Variants in MIPOL1 observed in about 807,000 individuals in gnomAD.
The protein encoded by MIPOL1 is mirror-image polydactyly gene 1 protein.
MIPOL1 carries 57 observed loss-of-function variants against 60.9 expected under a neutral mutation model. The observed-to-expected ratio is 0.94, with a 90% CI of 0.76 to 1.17. The LOEUF (loss-of-function observed/expected upper bound fraction) is 1.17. Among genes scored for constraint, MIPOL1 ranks in the 50% most tolerant of loss-of-function variants. The probability of loss-of-function intolerance (pLI) is 0.00; values close to 1 mark genes in which losing one functional copy is unlikely to be tolerated. For missense variants in MIPOL1, 551 were observed against 511.6 expected (o/e 1.08, Z -0.74); for synonymous variants, 179 against 168.8 (o/e 1.06, Z -0.47).
chr14:37,268,556 A>T, intron 4 of MIPOL1, 102 bp from the exon 5 acceptor site: 1 of 837,470 alleles, frequency 1.2e-6, no homozygotes, highest in Non-Finnish European at 1.8e-6. Context: ...CCCTTCCTTT[A>T]TGGTGTTTGC....
chr14:37,545,364 A>C (rs796614453), intron 12 of MIPOL1, among the ~76,000 whole-genome samples: 1 of 152,194 alleles, frequency 6.6e-6, no homozygotes, highest in Non-Finnish European at 1.5e-5. Flanking sequence ...GCTATGAGTC[A>C]TAATATTCAG....
At chr14:37,416,534 A>C (rs999676615) in intron 10 of MIPOL1, among the ~76,000 whole-genome samples, 1 of 152,192 alleles carries the variant, frequency 6.6e-6, no homozygotes, top group African/African-American at 2.4e-5. Context: ...GTATCTAAAC[A>C]TGTCTACACA....
At position 37,547,129 on chromosome 14, in the gene MIPOL1, G is replaced by GT. The variant is rs1251280801; in HGVS notation, c.*161dup. 1.5e-5 allele frequency: 9 copies of GT among 603,436 alleles called. No homozygotes were observed. The highest frequency in any genetic ancestry group is 2.3e-5 in the Non-Finnish European group (8 of 343,730). 37.4% of individuals were successfully genotyped at this position (603,436 alleles called of 1,614,324 possible). ...GCTGAGATAAAATCAAATCACAAAT[G>GT]TTTAACCACTTTGCTGCTGACTTGA... is the stretch of plus-strand genomic sequence containing the variant. On this transcript the variant is annotated 3_prime_UTR_variant, in exon 13 of 13. Transcript: ENST00000684589.
At chr14:37,209,574 C>T (rs59665906) in intron 1 of MIPOL1, among the ~76,000 whole-genome samples, 2 of 152,156 alleles carry the variant, frequency 1.3e-5, no homozygotes, top group African/African-American at 4.8e-5. Flanking sequence ...GCAGGAGAAT[C>T]GCTTGAACCC....
chr14:37,266,282 A>G (rs1364567657), intron 3 of MIPOL1, among the ~76,000 whole-genome samples: 1 of 152,206 alleles, frequency 6.6e-6, no homozygotes, highest in Non-Finnish European at 1.5e-5. Context: ...TTTACATTTG[A>G]CAGTTTTAGG....
chr14:37,533,012 ATG>A (rs911227840), intron 12 of MIPOL1, among the ~76,000 whole-genome samples: 5 of 152,148 alleles, frequency 3.3e-5, no homozygotes, highest in African/African-American at 1.2e-4. Context: ...ATATATGCAT[ATG>A]TGTTATAGGC....
chr14:37,377,200 C>T (rs980584904), intron 10 of MIPOL1, among the ~76,000 whole-genome samples: 3 of 152,112 alleles, frequency 2.0e-5, no homozygotes, highest in African/African-American at 7.2e-5. Context: ...CATGACTCTG[C>T]TATAGACACT....
intron 7 of MIPOL1, among the ~76,000 whole-genome samples, chr14:37,287,219 A>G (rs1050972489): frequency 1.3e-5 from 2 of 150,210 alleles, no homozygotes; most frequent in Non-Finnish European, 3.0e-5. Flanking sequence ...AATATTTTAT[A>G]TATATTTAAA....
chr14:37,431,640 G>C (rs1356301565), intron 11 of MIPOL1, among the ~76,000 whole-genome samples: 1 of 133,742 alleles, frequency 7.5e-6, no homozygotes, highest in Non-Finnish European at 1.5e-5. Flanking sequence ...GTGCAGTGGC[G>C]CGATCTCAGC....
At chr14:37,531,479 T>C (rs565224589) in intron 12 of MIPOL1, among the ~76,000 whole-genome samples, 29 of 152,190 alleles carry the variant, frequency 1.9e-4, no homozygotes, top group South Asian at 1.2e-3. Flanking sequence ...TATATTAATA[T>C]ATTACTAGCA....
chr14:37,381,971 G>T (rs1362241723), intron 10 of MIPOL1, among the ~76,000 whole-genome samples: 1 of 151,962 alleles, frequency 6.6e-6, no homozygotes, highest in African/African-American at 2.4e-5. Context: ...GGACAAAATA[G>T]TTCCTCAACC....
At chr14:37,289,174 G>C (rs1452311305) in intron 7 of MIPOL1, among the ~76,000 whole-genome samples, 1 of 152,164 alleles carries the variant, frequency 6.6e-6, no homozygotes, top group African/African-American at 2.4e-5. Flanking sequence ...AGTGGAAACA[G>C]AAACACAAAC....
chr14:37,419,614 C>T (rs1399987027), intron 10 of MIPOL1, among the ~76,000 whole-genome samples: 1 of 151,814 alleles, frequency 6.6e-6, no homozygotes, highest in Non-Finnish European at 1.5e-5. Context: ...AATGTTTATA[C>T]TATAGTAAAA....
intron 3 of MIPOL1, among the ~76,000 whole-genome samples, chr14:37,250,602 C>T (rs1973926511): frequency 6.6e-6 from 1 of 151,992 alleles, no homozygotes; most frequent in African/African-American, 2.4e-5. Context: ...ACTTTCAAGT[C>T]TTGGGATAAC....
intron 1 of MIPOL1, among the ~76,000 whole-genome samples, chr14:37,221,836 A>T (rs1429539534): frequency 6.6e-6 from 1 of 152,170 alleles, no homozygotes. Context: ...GAATTTGAAT[A>T]TGAGTTTTGG....
intron 11 of MIPOL1, among the ~76,000 whole-genome samples, chr14:37,442,880 A>G (rs2094272723): frequency 1.3e-5 from 2 of 152,146 alleles, no homozygotes; most frequent in Non-Finnish European, 2.9e-5. Flanking sequence ...GGATCAGAAG[A>G]CTTTATTTAT....
chr14:37,365,064 A>G (rs993864123), intron 9 of MIPOL1, among the ~76,000 whole-genome samples: 26 of 152,188 alleles, frequency 1.7e-4, no homozygotes, highest in Admixed American at 6.5e-5. Flanking sequence ...GTATCCTGCA[A>G]CCTTACTGAA....
At chr14:37,388,867 T>G (rs1222505107) in intron 10 of MIPOL1, among the ~76,000 whole-genome samples, 1 of 152,092 alleles carries the variant, frequency 6.6e-6, no homozygotes. Flanking sequence ...CCCAAAACTT[T>G]TGTTCTGTAT....
intron 7 of MIPOL1, among the ~76,000 whole-genome samples, chr14:37,285,923 C>T (rs2084525182): frequency 6.6e-6 from 1 of 152,014 alleles, no homozygotes; most frequent in South Asian, 2.1e-4. Context: ...CTTTGGCATG[C>T]TAGTTTGCCT....
Sources: allele counts gnomAD v4.1 joint callset (sites outside exome capture counted in the v4.1 genomes callset), GRCh38; gene constraint gnomAD v4.1.1; transcripts MANE v1.5; gene names NCBI Gene and HGNC (gene_info 2026-07-23, HGNC 2026-07-21).